LIMK2: variants seen among roughly 807,000 people sequenced by gnomAD.
LIMK2 encodes the protein LIM domain kinase 2.
LIMK2 carries 35 observed loss-of-function variants against 75.7 expected under a neutral mutation model. That is an observed-to-expected ratio of 0.46 (90% CI 0.35 to 0.61). The LOEUF is 0.61. Among genes scored for constraint, LIMK2 ranks in the 20% least tolerant of loss-of-function variants. The probability of loss-of-function intolerance (pLI) is 0.00; values close to 1 mark genes in which losing one functional copy is unlikely to be tolerated. For synonymous variants in LIMK2, 301 were observed against 319.2 expected (o/e 0.94, Z 0.61); for missense variants, 623 against 831.0 (o/e 0.75, Z 3.08).
At chr22:31,263,667 C>A (rs1347143177) in intron 7 of LIMK2, among the ~76,000 whole-genome samples, 1 of 148,482 alleles carries the variant, frequency 6.7e-6, no homozygotes, top group Non-Finnish European at 1.5e-5. Context: ...TAGTGAGACA[C>A]TGTCTCTACA....
At chr22:31,233,683 T>G (rs758164649) in intron 2 of LIMK2, among the ~76,000 whole-genome samples, 15 of 152,114 alleles carry the variant, frequency 9.9e-5, no homozygotes, top group Non-Finnish European at 1.2e-4. Flanking sequence ...TTCTCTAGAC[T>G]TTGCTGGACT....
intron 1 of LIMK2, among the ~76,000 whole-genome samples, chr22:31,219,405 G>A (rs533340589): frequency 6.6e-6 from 1 of 152,208 alleles, no homozygotes; most frequent in South Asian, 2.1e-4. Context: ...TTGTTGCAGT[G>A]CTCACCTTAC....
At chr22:31,227,199 T>TC (rs2048487294) in intron 2 of LIMK2, among the ~76,000 whole-genome samples, 1 of 152,222 alleles carries the variant, frequency 6.6e-6, no homozygotes, top group South Asian at 2.1e-4. Flanking sequence ...AGAAGAGCAG[T>TC]CCACTCCAGA....
chr22:31,253,390 C>T (rs1171363464), intron 2 of LIMK2, among the ~76,000 whole-genome samples: 1 of 152,204 alleles, frequency 6.6e-6, no homozygotes, highest in African/African-American at 2.4e-5. Flanking sequence ...TCGAGTAGCA[C>T]CTTACAGTTC....
chr22:31,273,349 G>T, intron 13 of LIMK2, 103 bp from the exon 14 acceptor site: 1 of 1,058,856 alleles, frequency 9.4e-7, no homozygotes, highest in South Asian at 1.3e-5. Flanking sequence ...TACAGAACCT[G>T]TTCTAGCCCT....
intron 2 of LIMK2, among the ~76,000 whole-genome samples, chr22:31,252,425 C>T (rs906547102): frequency 2.6e-5 from 4 of 151,758 alleles, no homozygotes; most frequent in Non-Finnish European, 4.4e-5. Flanking sequence ...ACCTGTAGTC[C>T]CAGCTACTCA....
At chr22:31,219,958 G>A (rs2048420557) in intron 1 of LIMK2, among the ~76,000 whole-genome samples, 2 of 152,206 alleles carry the variant, frequency 1.3e-5, no homozygotes, top group South Asian at 4.1e-4. Context: ...AGAATGAACA[G>A]CCTGGTACAA....
At chr22:31,236,030 C>G (rs2048570900) in intron 2 of LIMK2, among the ~76,000 whole-genome samples, 1 of 152,208 alleles carries the variant, frequency 6.6e-6, no homozygotes, top group Non-Finnish European at 1.5e-5. Context: ...CGTAGTGGCT[C>G]ATGCCTATAA....
intron 2 of LIMK2, among the ~76,000 whole-genome samples, chr22:31,243,811 T>C (rs1403487605): frequency 6.6e-6 from 1 of 152,106 alleles, no homozygotes; most frequent in Non-Finnish European, 1.5e-5. Flanking sequence ...GAGGGTGAAA[T>C]ATATCCTCCA....
chr22:31,229,077 T>A (rs2048503469), intron 2 of LIMK2, among the ~76,000 whole-genome samples: 1 of 152,216 alleles, frequency 6.6e-6, no homozygotes, highest in Non-Finnish European at 1.5e-5. Flanking sequence ...GGTGATCTGA[T>A]GTGGAGCCCC....
chr22:31,270,080 T>C (rs961222764), intron 11 of LIMK2, among the ~76,000 whole-genome samples: 3 of 152,126 alleles, frequency 2.0e-5, no homozygotes, highest in Non-Finnish European at 4.4e-5. Flanking sequence ...CTAGCATTGA[T>C]CCCTGCTGTT....
At chr22:31,273,248 T>C (rs2048977246) in intron 13 of LIMK2, among the ~76,000 whole-genome samples, 1 of 152,146 alleles carries the variant, frequency 6.6e-6, no homozygotes, top group Admixed American at 6.5e-5. Context: ...GGCAGTGTTA[T>C]GTTATAAGGG....
intron 1 of LIMK2, among the ~76,000 whole-genome samples, chr22:31,220,058 C>T (rs1239216564): frequency 1.3e-5 from 2 of 152,166 alleles, no homozygotes; most frequent in African/African-American, 4.8e-5. Flanking sequence ...TAAGACTTTG[C>T]ATTACAGTAT....
At chr22:31,239,126 T>C (rs2048603859) in intron 2 of LIMK2, among the ~76,000 whole-genome samples, 1 of 152,250 alleles carries the variant, frequency 6.6e-6, no homozygotes, top group Non-Finnish European at 1.5e-5. Context: ...TAGTGAACAC[T>C]AGTTGGCCAG....
chr22:31,273,161 C>A, intron 13 of LIMK2: 1 of 424,050 alleles, frequency 2.4e-6, no homozygotes, highest in Non-Finnish European at 3.2e-6. Flanking sequence ...TGCCTAGGAG[C>A]ATACAGCTGC....
Position 31,279,981 on chromosome 22 carries a change from CTGGT to C in LIMK2, c.*1543_*1546del, listed in dbSNP as rs2049070633. Reference sequence around the variant, plus strand: ...AGCAGCACAGTTCAGCATTGTGTGGCTGGTTGTTTCCTGGCTGTCCCCAGCAAGT... The same window carrying C: ...AGCAGCACAGTTCAGCATTGTGTGGCTGTTTCCTGGCTGTCCCCAGCAAGT... On this transcript the variant is annotated 3_prime_UTR_variant, in exon 16 of 16. Coordinates refer to ENST00000331728, the MANE Select transcript of LIMK2 (RefSeq NM_005569.4). The C allele has an allele frequency of 6.6e-6, 1 of 152,376 alleles. No individual in the cohort carries two copies. The allele number at this position is 152,376 out of a possible 1,614,324, so 9.4% of individuals were successfully genotyped here.
chr22:31,274,493 C>T (rs189409047), intron 14 of LIMK2, among the ~76,000 whole-genome samples: 343 of 152,176 alleles, frequency 2.3e-3, no homozygotes, highest in Non-Finnish European at 3.2e-3. Flanking sequence ...CTCCGCCTCC[C>T]AGGTTCAAGC....
chr22:31,236,307 A>AC (rs919137308), intron 2 of LIMK2, among the ~76,000 whole-genome samples: 4 of 150,610 alleles, frequency 2.7e-5, no homozygotes, highest in African/African-American at 9.8e-5. Flanking sequence ...AAAAAAAAAA[A>AC]AAAACAAACT....
Position 31,248,625 on chromosome 22 carries a change from C to A in LIMK2, c.117-9666C>A, listed in dbSNP as rs76979315. On this transcript the variant is annotated intron_variant, in intron 2 of 15. Transcript: ENST00000331728. ...TGCCTGCAGCCAGAGGTGCCGGGAG[C>A]CCCGGGCCTGTCATGGTGGCCATCT... is the stretch of plus-strand genomic sequence containing the variant. 2.7e-3 allele frequency: 4,358 copies of A among 1,612,378 alleles called. 74 individuals carry two copies. The African/African-American group carries it at 0.044, about 16-fold the overall frequency.
Sources: allele counts gnomAD v4.1 joint callset (sites outside exome capture counted in the v4.1 genomes callset), GRCh38; gene constraint gnomAD v4.1.1; transcripts MANE v1.5; gene names NCBI Gene and HGNC (gene_info 2026-07-23, HGNC 2026-07-21).